The following CASK variants were observed in gnomAD, a reference collection of about 807,000 sequenced individuals.
The protein encoded by CASK is calcium/calmodulin dependent serine protein kinase, also known as peripheral plasma membrane protein CASK.
CASK carries 4 observed loss-of-function variants against 82.9 expected under a neutral mutation model. The observed-to-expected ratio is 0.05, with a 90% CI of 0.02 to 0.11. The LOEUF (loss-of-function observed/expected upper bound fraction) is 0.11, where lower values mean the gene tolerates loss of function less well. Among genes scored for constraint, CASK ranks in the 10% least tolerant of loss-of-function variants. CASK has a pLI of 1.00. For synonymous variants in CASK, 259 were observed against 253.5 expected (o/e 1.02, Z -0.20); for missense variants, 358 against 720.9 (o/e 0.50, Z 5.76).
chrX:41,832,708 C>G (rs1395294629), intron 2 of CASK, among the ~76,000 whole-genome samples: 3 of 112,373 alleles, frequency 2.7e-5, no homozygotes, highest in African/African-American at 9.7e-5. Context: ...CAATATATAA[C>G]CTTATCACAT....
chrX:41,843,812 A>G (rs2071095525), intron 2 of CASK, among the ~76,000 whole-genome samples: 1 of 111,484 alleles, frequency 9.0e-6, no homozygotes, highest in Admixed American at 9.6e-5. Flanking sequence ...TCTTTCACTT[A>G]GCACAATATA....
chrX:41,795,101 T>C (rs2069822378), intron 2 of CASK, among the ~76,000 whole-genome samples: 2 of 112,585 alleles, frequency 1.8e-5, no homozygotes, highest in South Asian at 7.3e-4. Flanking sequence ...TGAGGTTTTT[T>C]TTTCTTTTAA....
chrX:41,745,015 T>C (rs1050431164), intron 4 of CASK, among the ~76,000 whole-genome samples: 2 of 111,289 alleles, frequency 1.8e-5, no homozygotes, highest in East Asian at 5.6e-4. Flanking sequence ...ACGTTTTCAT[T>C]TTATTTATTT....
intron 3 of CASK, among the ~76,000 whole-genome samples, chrX:41,747,471 G>A (rs1490772122): frequency 1.8e-5 from 2 of 110,726 alleles, no homozygotes; most frequent in African/African-American, 6.6e-5. Context: ...ACGGAGTCTT[G>A]CTCTGTCGCC....
intron 24 of CASK, 131 bp downstream of exon 24, chrX:41,534,575 T>A: frequency 1.9e-6 from 1 of 520,557 alleles, no homozygotes; most frequent in Non-Finnish European, 3.2e-6. Context: ...TCCTCCTTGT[T>A]CTTTTTTTGA....
chrX:41,724,100 A>G (rs982798678), intron 5 of CASK: 1 of 112,601 alleles, frequency 8.9e-6, no homozygotes, highest in Non-Finnish European at 1.9e-5. Flanking sequence ...CACATTGACC[A>G]TAACTATTGA....
chrX:41,800,475 T>G (rs944033588), intron 2 of CASK, among the ~76,000 whole-genome samples: 3 of 111,146 alleles, frequency 2.7e-5, no homozygotes, highest in African/African-American at 9.8e-5. Context: ...TATTTTATTT[T>G]TATTTATTTT....
chrX:41,904,958 T>C (rs1292863015), intron 1 of CASK, among the ~76,000 whole-genome samples: 2 of 112,334 alleles, frequency 1.8e-5, no homozygotes, highest in African/African-American at 6.5e-5. Flanking sequence ...TCCCACAGTA[T>C]ATATGTACCA....
chrX:41,566,140 C>A (rs756788132), intron 16 of CASK, among the ~76,000 whole-genome samples: 2 of 111,651 alleles, frequency 1.8e-5, no homozygotes, highest in South Asian at 7.5e-4. Flanking sequence ...ACTGAATGGG[C>A]AAAAACTGGA....
intron 4 of CASK, among the ~76,000 whole-genome samples, chrX:41,745,305 C>T (rs781766449): frequency 3.6e-5 from 4 of 111,822 alleles, no homozygotes; most frequent in Non-Finnish European, 7.5e-5. Flanking sequence ...CGTGAGCCAC[C>T]GTGCCTGGCC....
At chrX:41,685,327 C>T (rs1416748049) in intron 5 of CASK, among the ~76,000 whole-genome samples, 1 of 112,017 alleles carries the variant, frequency 8.9e-6, no homozygotes. Flanking sequence ...ATCTTTTCTT[C>T]CCCATTGGTA....
chrX:41,590,712 C>T (rs1009698377), intron 12 of CASK, among the ~76,000 whole-genome samples: 15 of 110,229 alleles, frequency 1.4e-4, no homozygotes, highest in Non-Finnish European at 2.3e-4. Context: ...AAGATGACCT[C>T]GGCTGTTGTG....
chrX:41,770,883 G>A (rs2069233695), intron 3 of CASK, among the ~76,000 whole-genome samples: 1 of 110,441 alleles, frequency 9.1e-6, no homozygotes, highest in Non-Finnish European at 1.9e-5. Context: ...CAGAAAAGAA[G>A]GTAGAAGACA....
intron 10 of CASK, among the ~76,000 whole-genome samples, chrX:41,626,096 G>A (rs1017241763): frequency 2.6e-4 from 29 of 109,524 alleles, no homozygotes; most frequent in African/African-American, 9.3e-4. Flanking sequence ...GAGCCACCAT[G>A]CCTGGCCGTG....
intron 1 of CASK, among the ~76,000 whole-genome samples, chrX:41,870,415 G>A (rs1035462320): frequency 2.7e-5 from 3 of 111,894 alleles, no homozygotes; most frequent in African/African-American, 9.7e-5. Context: ...AGACAATACA[G>A]AGAGTTTGTC....
chrX:41,699,257 A>G (rs1002139004), intron 5 of CASK, among the ~76,000 whole-genome samples: 2 of 111,987 alleles, frequency 1.8e-5, no homozygotes, highest in African/African-American at 3.2e-5. Context: ...GCCCGCAAAT[A>G]TAATTAACTG....
At chrX:41,522,971 A>G (rs1266628130) in intron 26 of CASK, 1 of 112,409 alleles carries the variant, frequency 8.9e-6, no homozygotes, top group Non-Finnish European at 1.9e-5. Flanking sequence ...ACACGGCTGT[A>G]TTTCACCACC....
intron 3 of CASK, among the ~76,000 whole-genome samples, chrX:41,763,959 T>A (rs5918237): frequency 0.18 from 20,189 of 111,253 alleles, 1,540 homozygotes; most frequent in Middle Eastern, 0.29. Context: ...GGCCTTTCCA[T>A]TTGTCCTCTA....
intron 5 of CASK, among the ~76,000 whole-genome samples, chrX:41,698,802 G>C (rs1383673330): frequency 8.9e-6 from 1 of 111,768 alleles, no homozygotes; most frequent in Non-Finnish European, 1.9e-5. Flanking sequence ...TTTAGAGTCA[G>C]AATACTTCTT....
Sources: gnomAD v4.1 joint callset for allele counts (sites outside exome capture counted in the v4.1 genomes callset) on GRCh38, gnomAD v4.1.1 for gene constraint, MANE v1.5 for transcripts, NCBI Gene and HGNC (gene_info 2026-07-23, HGNC 2026-07-21) for gene names.